The following FBXL7 variants were observed in gnomAD, a reference collection of about 807,000 sequenced individuals.
FBXL7 encodes F-box and leucine rich repeat protein 7.
A neutral mutation model predicts 38.3 loss-of-function variants in FBXL7; 12 were observed. That is an observed-to-expected ratio of 0.31 (90% CI 0.20 to 0.51). The LOEUF is 0.51. Among genes scored for constraint, FBXL7 ranks in the 20% least tolerant of loss-of-function variants. The pLI is 0.98. For missense variants in FBXL7, 567 were observed against 676.4 expected, an observed-to-expected ratio of 0.84 and a Z score of 1.79; for synonymous variants, 297 against 300.9, an observed-to-expected ratio of 0.99 and a Z score of 0.13.
chr5:15,811,762 A>T (rs938490217), intron 2 of FBXL7, among the ~76,000 whole-genome samples: 1 of 152,214 alleles, frequency 6.6e-6, no homozygotes, highest in Admixed American at 6.5e-5. Context: ...ATCACTAGAG[A>T]AATGCAAATC....
At chr5:15,743,013 T>C (rs1454430029) in intron 2 of FBXL7, among the ~76,000 whole-genome samples, 1 of 152,114 alleles carries the variant, frequency 6.6e-6, no homozygotes, top group Non-Finnish European at 1.5e-5. Flanking sequence ...TTCAGTTACC[T>C]CCCACTGGGT....
At chr5:15,788,310 GT>G (rs1177721297) in intron 2 of FBXL7, among the ~76,000 whole-genome samples, 1 of 152,190 alleles carries the variant, frequency 6.6e-6, no homozygotes, top group East Asian at 1.9e-4. Flanking sequence ...GCCGGTTTAT[GT>G]TTTAACCCAT....
chr5:15,841,476 T>C (rs1178210864), intron 2 of FBXL7, among the ~76,000 whole-genome samples: 1 of 152,064 alleles, frequency 6.6e-6, no homozygotes, highest in African/African-American at 2.4e-5. Context: ...CAGAAAGATG[T>C]TCATTTTTTT....
chr5:15,589,748 G>C (rs1018124459), intron 1 of FBXL7, among the ~76,000 whole-genome samples: 1 of 152,160 alleles, frequency 6.6e-6, no homozygotes, highest in Non-Finnish European at 1.5e-5. Context: ...GCCATGCATT[G>C]ATGTTTTTGT....
At chr5:15,644,329 G>A (rs1741463327) in intron 2 of FBXL7, among the ~76,000 whole-genome samples, 1 of 140,900 alleles carries the variant, frequency 7.1e-6, no homozygotes, top group African/African-American at 2.7e-5. Context: ...AAAAAAAAAG[G>A]CCAGGCGTGG....
At chr5:15,717,795 T>G (rs1744083634) in intron 2 of FBXL7, among the ~76,000 whole-genome samples, 1 of 152,060 alleles carries the variant, frequency 6.6e-6, no homozygotes, top group Non-Finnish European at 1.5e-5. Context: ...TCTTAAAAAA[T>G]GCCAATGTCA....
In FBXL7 at chr5:15,783,344, A is replaced by G. The variant is rs556834831; in HGVS notation, c.128-144546A>G. Among the ~76,000 whole-genome samples the G allele has an allele frequency of 2.9e-4, 44 of 152,310 alleles. No individual in the cohort carries two copies. In the South Asian group the frequency reaches 8.9e-3, roughly 31 times the overall value. On this transcript the variant is annotated intron_variant, in intron 2 of 3. Transcript: ENST00000504595. ...CATGGTGCAGTTCCTGGAAATGAGA[A>G]GGTCCTGGGTGTGACACTGAGACGA...
chr5:15,761,169 G>C (rs1404271090), intron 2 of FBXL7, among the ~76,000 whole-genome samples: 1 of 152,238 alleles, frequency 6.6e-6, no homozygotes, highest in Non-Finnish European at 1.5e-5. Flanking sequence ...ATGAGAGGCA[G>C]TCTGTTCTTT....
At chr5:15,691,157 G>A (rs757758190) in intron 2 of FBXL7, among the ~76,000 whole-genome samples, 4 of 152,122 alleles carry the variant, frequency 2.6e-5, no homozygotes, top group East Asian at 1.9e-4. Context: ...ACTGACTTCT[G>A]TTCTTGTCAG....
chr5:15,500,728 C>A lies in FBXL7; in HGVS notation c.37+15C>A. On this transcript the variant is annotated intron_variant, in intron 1 of 3. Transcript: ENST00000504595. Reference sequence around the variant, plus strand: ...CGGCAGTGAGGGTGAGTGGGCCGCCCGTCCTCAGACTCCCGGATCGCGTCC... The same window carrying A: ...CGGCAGTGAGGGTGAGTGGGCCGCCAGTCCTCAGACTCCCGGATCGCGTCC... 1.9e-6 allele frequency: 3 copies of A among 1,604,008 alleles called. No individual in the cohort carries two copies. The highest frequency in any genetic ancestry group is 2.6e-6 in the Non-Finnish European group (3 of 1,174,784).
At chr5:15,663,057 A>G (rs1742143709) in intron 2 of FBXL7, among the ~76,000 whole-genome samples, 1 of 152,138 alleles carries the variant, frequency 6.6e-6, no homozygotes, top group African/African-American at 2.4e-5. Context: ...GTAGTTTGAT[A>G]TGAATAGCAT....
intron 1 of FBXL7, among the ~76,000 whole-genome samples, chr5:15,514,241 C>T (rs1580345979): frequency 1.3e-5 from 2 of 152,160 alleles, no homozygotes; most frequent in African/African-American, 4.8e-5. Flanking sequence ...TTGAAATTCC[C>T]AAGTTGCTGC....
chr5:15,733,239 C>T (rs528066354), intron 2 of FBXL7, among the ~76,000 whole-genome samples: 8 of 152,130 alleles, frequency 5.3e-5, no homozygotes, highest in South Asian at 4.2e-4. Context: ...ATTACAGGCA[C>T]CCGCCACCAC....
At chr5:15,510,969 C>T (rs971145653) in intron 1 of FBXL7, among the ~76,000 whole-genome samples, 2 of 152,178 alleles carry the variant, frequency 1.3e-5, no homozygotes, top group South Asian at 2.1e-4. Context: ...GACTGAGTCA[C>T]GCCGGATTTC....
In FBXL7 at chr5:15,936,699, GCGTCAGCGACTGCCGCTT is replaced by G; in HGVS notation, c.1001_1018del (p.Cys334_Asp339del). The G allele has an allele frequency of 6.2e-7, 1 of 1,608,330 alleles. No homozygotes were observed. The highest frequency in any genetic ancestry group is 8.5e-7 in the Non-Finnish European group (1 of 1,179,616). On this transcript the variant is annotated inframe_deletion, in exon 4 of 4. Transcript: ENST00000504595. The surrounding 1 kb of genome is among the most constrained non-coding windows in gnomAD (Gnocchi z 6.0). ...TACTGCGCCTCCATCAAGGAGCTGA[GCGTCAGCGACTGCCGCTT>G]CGTCAGCGACTTCGGCCTGCGGGAG...
At chr5:15,646,809 G>T (rs1425562399) in intron 2 of FBXL7, among the ~76,000 whole-genome samples, 3 of 152,240 alleles carry the variant, frequency 2.0e-5, no homozygotes, top group African/African-American at 7.2e-5. Flanking sequence ...TATGGTGACA[G>T]TCGCGTGGGG....
Position 15,774,034 on chromosome 5 carries a change from C to CA in FBXL7, c.128-153847dup, listed in dbSNP as rs982048751. Among the ~76,000 whole-genome samples, 447 of 150,030 alleles carry CA rather than the reference C, an allele frequency of 3.0e-3. 1 individual carries two copies. Among genetic ancestry groups the CA allele is most frequent in the African/African-American group, 8.5e-3 (348 of 40,900 alleles). ...TAGCAAATTACCACAAATTTAATGA[C>CA]AAAAAAAAACCCCACAAGCCTCTTT... On this transcript the variant is annotated intron_variant, in intron 2 of 3. Transcript: ENST00000504595.
chr5:15,754,295 GAGT>G (rs1399195227), intron 2 of FBXL7, among the ~76,000 whole-genome samples: 1 of 152,178 alleles, frequency 6.6e-6, no homozygotes, highest in Non-Finnish European at 1.5e-5. Context: ...CAAGTGCTAC[GAGT>G]AGAACTGAAT....
rs149065780 is a variant in FBXL7, at chr5:15,855,025, C to CA, written c.128-72861dup. On this transcript the variant is annotated intron_variant, in intron 2 of 3. Transcript: ENST00000504595. ...GTATTTCCTCATATTAGAAACAAGT[C>CA]AAAATCCATTGTCTCTACTTCCTTT... 5.6e-3 allele frequency among the ~76,000 whole-genome samples: 847 copies of CA among 152,220 alleles called. 5 individuals carry two copies. The highest frequency in any genetic ancestry group is 0.019 in the African/African-American group (802 of 41,548).
Sources: allele counts gnomAD v4.1 joint callset (sites outside exome capture counted in the v4.1 genomes callset), GRCh38; gene constraint gnomAD v4.1.1; non-coding constraint Gnocchi (gnomAD v3.1); transcripts MANE v1.5; gene names NCBI Gene and HGNC (gene_info 2026-07-23, HGNC 2026-07-21).